Variants in CALU observed in about 807,000 individuals in gnomAD.
CALU encodes IEF SSP 9302.
In CALU, 13 loss-of-function variants were observed where a neutral mutation model predicts 37.5. The observed-to-expected ratio is 0.35, with a 90% CI of 0.23 to 0.55. The LOEUF (loss-of-function observed/expected upper bound fraction) is 0.55, where lower values mean the gene tolerates loss of function less well. Among genes scored for constraint, CALU ranks in the 20% least tolerant of loss-of-function variants. The probability of loss-of-function intolerance (pLI) is 0.89; values close to 1 mark genes in which losing one functional copy is unlikely to be tolerated. For synonymous variants in CALU, 114 were observed against 133.8 expected (o/e 0.85, Z 1.02); for missense variants, 282 against 391.7 (o/e 0.72, Z 2.36).
chr7:128,756,842 G>A (rs897292817), intron 3 of CALU, among the ~76,000 whole-genome samples: 2 of 152,158 alleles, frequency 1.3e-5, no homozygotes, highest in East Asian at 1.9e-4. Flanking sequence ...TTGGGAGGCC[G>A]AGGCAGAAAG....
At chr7:128,765,447 T>C (rs1801294938) in intron 5 of CALU, among the ~76,000 whole-genome samples, 2 of 152,196 alleles carry the variant, frequency 1.3e-5, no homozygotes, top group Non-Finnish European at 2.9e-5. Context: ...AACTCACAAG[T>C]CAGCCTTCTA....
intron 4 of CALU, 38 bp from the exon 5 acceptor site, chr7:128,759,754 A>G: frequency 8.0e-6 from 8 of 999,068 alleles, no homozygotes; most frequent in Non-Finnish European, 1.3e-5. Context: ...AAATTCAGAG[A>G]CCAACTTAAT....
In CALU at chr7:128,758,925, A is replaced by C. The variant is rs1201782688; in HGVS notation, c.470A>C (p.Glu157Ala). 1 of 1,613,964 alleles carries C rather than the reference A, an allele frequency of 6.2e-7. No homozygotes were observed. The highest frequency in any genetic ancestry group is 1.1e-5 in the South Asian group (1 of 91,076). Reference protein sequence around the residue: ...FNYKQMMVRDERRFKMADKDG... With the variant: ...FNYKQMMVRDARRFKMADKDG... Reference sequence around the variant, plus strand: ...TATAAACAGATGATGGTTAGAGATGAGCGGAGGTTTAAAATGGCAGACAAG... The same window carrying C: ...TATAAACAGATGATGGTTAGAGATGCGCGGAGGTTTAAAATGGCAGACAAG... The change falls in exon 4 of 7, where the codon GAG becomes GCG. Residue 157 changes from glutamate to alanine, a missense_variant. By Grantham distance (107) the Glu-to-Ala change is moderately radical (BLOSUM62 -1). Coordinates refer to ENST00000249364, the MANE Select transcript of CALU (RefSeq NM_001219.5).
At chr7:128,740,291 T>C (rs1800183905) in intron 1 of CALU, among the ~76,000 whole-genome samples, 1 of 152,346 alleles carries the variant, frequency 6.6e-6, no homozygotes, top group South Asian at 2.1e-4. Context: ...TGTATAAAAT[T>C]CTAGAATAGT....
intron 3 of CALU, 49 bp from the exon 4 acceptor site, chr7:128,758,822 A>C (rs1016219250): frequency 1.5e-6 from 2 of 1,311,532 alleles, no homozygotes; most frequent in Middle Eastern, 1.9e-4. Context: ...ACACATTTTC[A>C]TGTTTTCTGA....
chr7:128,758,080 G>C (rs1454922064), intron 3 of CALU, among the ~76,000 whole-genome samples: 1 of 151,822 alleles, frequency 6.6e-6, no homozygotes, highest in East Asian at 1.9e-4. Context: ...CATGTCCCTT[G>C]GTAATCCTTC....
intron 3 of CALU, 168 bp downstream of exon 3, chr7:128,754,623 T>C (rs1245666681): frequency 5.8e-6 from 9 of 1,551,910 alleles, no homozygotes; most frequent in Non-Finnish European, 7.8e-6. Flanking sequence ...GAAATACATA[T>C]ATGACAATGT....
intron 3 of CALU, chr7:128,754,855 T>C: frequency 2.3e-6 from 1 of 442,640 alleles, no homozygotes; most frequent in Non-Finnish European, 4.0e-6. Context: ...TTTATTAATT[T>C]TAAATTTGTA....
At chr7:128,764,294 C>G (rs912654972) in intron 5 of CALU, among the ~76,000 whole-genome samples, 1 of 151,902 alleles carries the variant, frequency 6.6e-6, no homozygotes, top group African/African-American at 2.4e-5. Context: ...AAAAAATTAG[C>G]CAGGCATGGT....
intron 2 of CALU, among the ~76,000 whole-genome samples, chr7:128,753,903 A>C (rs908148147): frequency 6.6e-6 from 1 of 152,246 alleles, no homozygotes; most frequent in Non-Finnish European, 1.5e-5. Flanking sequence ...TTCGCTAGAG[A>C]AAATAAAAAT....
intron 5 of CALU, chr7:128,761,665 T>C (rs1801122736): frequency 6.6e-6 from 1 of 152,236 alleles, no homozygotes; most frequent in Non-Finnish European, 1.5e-5. Context: ...ACAAATACTT[T>C]GTTTAGAAAG....
At chr7:128,760,704 C>T (rs1054844976) in intron 5 of CALU, among the ~76,000 whole-genome samples, 7 of 152,160 alleles carry the variant, frequency 4.6e-5, no homozygotes, top group Non-Finnish European at 8.8e-5. Flanking sequence ...GTCAGGAGAT[C>T]GAGACCATCC....
intron 6 of CALU, among the ~76,000 whole-genome samples, 176 bp downstream of exon 6, chr7:128,767,831 C>T (rs769459411): frequency 5.9e-5 from 9 of 152,198 alleles, no homozygotes; most frequent in Non-Finnish European, 1.3e-4. Flanking sequence ...TATCTGATCT[C>T]ATTTTAGAAA....
intron 1 of CALU, among the ~76,000 whole-genome samples, chr7:128,740,407 A>G (rs1236534959): frequency 1.3e-5 from 2 of 152,234 alleles, no homozygotes. Context: ...CTAGTAGCTT[A>G]TTCAGCTTGG....
chr7:128,746,701 A>G (rs1383012872), intron 1 of CALU, among the ~76,000 whole-genome samples: 1 of 150,534 alleles, frequency 6.6e-6, no homozygotes, highest in East Asian at 1.9e-4. Flanking sequence ...ATCCGCCTGC[A>G]TTAGCCTCCC....
chr7:128,747,538 C>G (rs1167703516), intron 1 of CALU: 1 of 152,000 alleles, frequency 6.6e-6, no homozygotes, highest in Admixed American at 6.6e-5. Context: ...GATATGTCCT[C>G]CTCTGCCATT....
At chr7:128,758,406 G>T (rs1235114979) in intron 3 of CALU, among the ~76,000 whole-genome samples, 3 of 152,148 alleles carry the variant, frequency 2.0e-5, no homozygotes, top group Non-Finnish European at 1.5e-5. Context: ...ATTGTTCTAA[G>T]CACTTAGATA....
At position 128,768,859 on chromosome 7, in the gene CALU, A is replaced by C. The variant is rs1043526569; in HGVS notation, c.844-204A>C. Among the ~76,000 whole-genome samples the C allele has an allele frequency of 8.7e-5, 13 of 150,194 alleles. 1 individual carries two copies. Among genetic ancestry groups the C allele is most frequent in the African/African-American group, 3.2e-4 (13 of 40,512 alleles). ...CGAAACTCCGTCTCAAAAAAAAAAA[A>C]AAAAAAAAACAAGGAATGTGTAATT... On this transcript the variant is annotated intron_variant, in intron 6 of 6. Transcript: ENST00000249364.
rs544163733 is a variant in CALU at position 128,749,954 on chromosome 7, C to T, written c.221+1150C>T. Among the ~76,000 whole-genome samples the T allele has an allele frequency of 1.5e-3, 230 of 152,204 alleles. 5 individuals carry two copies. In the South Asian group the frequency reaches 0.044, roughly 29 times the overall value. On this transcript the variant is annotated intron_variant, in intron 2 of 6. Coordinates refer to ENST00000249364, the MANE Select transcript of CALU (RefSeq NM_001219.5). ...TGAAAATAGAAATGCAGATCAGGTA[C>T]GGTGGCTCACGCCTGTAATCCCAGC...
Sources: allele counts gnomAD v4.1 joint callset (sites outside exome capture counted in the v4.1 genomes callset), GRCh38; gene constraint gnomAD v4.1.1; transcripts MANE v1.5; gene names NCBI Gene and HGNC (gene_info 2026-07-23, HGNC 2026-07-21).